Variants in BBIP1 observed in about 807,000 individuals in gnomAD.
The protein encoded by BBIP1 is BBSome interacting protein 1, also known as BBSome-interacting protein 1.
A neutral mutation model predicts 8.9 loss-of-function variants in BBIP1; 6 were observed. That is an observed-to-expected ratio of 0.67 (90% CI 0.37 to 1.33). The LOEUF (loss-of-function observed/expected upper bound fraction) is 1.33, where lower values mean the gene tolerates loss of function less well. Ranked by LOEUF, BBIP1 falls within the 40% of genes most tolerant of loss-of-function variation. The pLI, the probability that BBIP1 is intolerant of heterozygous loss-of-function variation, is 0.02. For missense variants in BBIP1, 111 were observed against 109.2 expected, an observed-to-expected ratio of 1.02 and a Z score of -0.07; for synonymous variants, 32 against 33.4, an observed-to-expected ratio of 0.96 and a Z score of 0.14.
intron 2 of BBIP1, chr10:110,907,448 G>A (rs904132450): frequency 1.2e-5 from 4 of 322,638 alleles, no homozygotes; most frequent in Non-Finnish European, 2.3e-5. Flanking sequence ...CTGAGTTTTA[G>A]GTTGCAGTGA....
intron 2 of BBIP1, among the ~76,000 whole-genome samples, chr10:110,915,433 C>T (rs1846379872): frequency 6.6e-6 from 1 of 152,142 alleles, no homozygotes; most frequent in South Asian, 2.1e-4. Context: ...GGATTACAGG[C>T]ATGAGCCACA....
intron 2 of BBIP1, chr10:110,902,641 T>C (rs1352541268): frequency 6.6e-6 from 1 of 152,262 alleles, no homozygotes; most frequent in Non-Finnish European, 1.5e-5. Context: ...CTTCCTACTC[T>C]GTATTCAAGT....
At chr10:110,918,862 G>A (rs1022293815) in intron 1 of BBIP1, 1 of 152,418 alleles carries the variant, frequency 6.6e-6, no homozygotes, top group African/African-American at 2.4e-5. Flanking sequence ...TGCAACTAAG[G>A]TCAAAAATAA....
At chr10:110,916,330 A>G (rs540157793) in intron 2 of BBIP1, among the ~76,000 whole-genome samples, 3 of 152,212 alleles carry the variant, frequency 2.0e-5, no homozygotes, top group South Asian at 2.1e-4. Flanking sequence ...ATGATCAAAT[A>G]TAAGTCTAGG....
intron 2 of BBIP1, among the ~76,000 whole-genome samples, chr10:110,913,113 A>G (rs748002728): frequency 2.0e-5 from 3 of 152,166 alleles, no homozygotes; most frequent in African/African-American, 4.8e-5. Flanking sequence ...GTTGTACTCT[A>G]TTTCACATTT....
chr10:110,915,809 T>C (rs1846389252), intron 2 of BBIP1, among the ~76,000 whole-genome samples: 1 of 152,172 alleles, frequency 6.6e-6, no homozygotes, highest in Non-Finnish European at 1.5e-5. Context: ...GCTCAAGTGA[T>C]TCTGGTGCCT....
intron 2 of BBIP1, among the ~76,000 whole-genome samples, chr10:110,909,631 G>A (rs1846226860): frequency 6.6e-6 from 1 of 152,222 alleles, no homozygotes; most frequent in African/African-American, 2.4e-5. Context: ...TTTGGGAAAA[G>A]AGCCTAGCTC....
At chr10:110,907,614 A>G (rs1846177186) in intron 2 of BBIP1, 1 of 528,604 alleles carries the variant, frequency 1.9e-6, no homozygotes, top group Admixed American at 3.6e-5. Flanking sequence ...CCATTTTCTC[A>G]GGGAATGCAT....
chr10:110,911,053 C>T (rs1488392764), intron 2 of BBIP1: 2 of 152,148 alleles, frequency 1.3e-5, no homozygotes, highest in Non-Finnish European at 2.9e-5. Context: ...CAAGATAAAG[C>T]TTACAATGGC....
At chr10:110,901,094 A>C (rs1483927742) in intron 3 of BBIP1, 3 of 452,406 alleles carry the variant, frequency 6.6e-6, no homozygotes, top group East Asian at 7.1e-5. Flanking sequence ...GTTTGAGACC[A>C]GCCTAGGCAA....
intron 2 of BBIP1, among the ~76,000 whole-genome samples, chr10:110,915,627 A>G (rs536035575): frequency 6.6e-6 from 1 of 152,336 alleles, no homozygotes; most frequent in South Asian, 2.1e-4. Context: ...CATGTGCTAT[A>G]AACCGAGGTA....
At chr10:110,902,331 A>T (rs1846025053) in intron 2 of BBIP1, 2 of 152,638 alleles carry the variant, frequency 1.3e-5, no homozygotes. Context: ...TGCTCCAAGT[A>T]TTACAGTCAA....
At chr10:110,908,933 A>G (rs1244356866) in intron 2 of BBIP1, among the ~76,000 whole-genome samples, 1 of 152,254 alleles carries the variant, frequency 6.6e-6, no homozygotes, top group Non-Finnish European at 1.5e-5. Context: ...TCTAAAATGT[A>G]TTCAGGAGGA....
chr10:110,914,517 A>G (rs1312384308), intron 2 of BBIP1, among the ~76,000 whole-genome samples: 10 of 152,158 alleles, frequency 6.6e-5, no homozygotes, highest in Non-Finnish European at 1.2e-4. Context: ...AAGTAGTAAT[A>G]CTCACTCTTA....
chr10:110,905,198 G>C (rs142182341), intron 2 of BBIP1, among the ~76,000 whole-genome samples: 1 of 152,286 alleles, frequency 6.6e-6, no homozygotes, highest in African/African-American at 2.4e-5. Flanking sequence ...TTTTAGGAGT[G>C]AGAGTTAAAA....
At chr10:110,910,455 T>C (rs902778522) in intron 2 of BBIP1, 1 of 152,134 alleles carries the variant, frequency 6.6e-6, no homozygotes, top group Non-Finnish European at 1.5e-5. Flanking sequence ...CATGACATGA[T>C]TCATGTTTTG....
At chr10:110,903,785 G>A (rs570211461) in intron 2 of BBIP1, 12 of 152,332 alleles carry the variant, frequency 7.9e-5, no homozygotes, top group Admixed American at 7.8e-4. Context: ...AGGCTATATG[G>A]TAGAGTGTAC....
At chr10:110,901,396 G>A in intron 3 of BBIP1, 142 bp downstream of exon 3, 1 of 629,552 alleles carries the variant, frequency 1.6e-6, no homozygotes. Flanking sequence ...TCATGAAAAA[G>A]CATATAGTAA....
chr10:110,918,618 C>T (rs1029678432), intron 1 of BBIP1, among the ~76,000 whole-genome samples: 1 of 152,268 alleles, frequency 6.6e-6, no homozygotes, highest in Non-Finnish European at 1.5e-5. Flanking sequence ...CGCCCATTCC[C>T]CGCTGGGGTC....
Sources: allele counts gnomAD v4.1 joint callset (sites outside exome capture counted in the v4.1 genomes callset), GRCh38; gene constraint gnomAD v4.1.1; transcripts MANE v1.5; gene names NCBI Gene and HGNC (gene_info 2026-07-23, HGNC 2026-07-21).